The following GAN variants were observed in gnomAD, a reference collection of about 807,000 sequenced individuals.
GAN encodes the protein epididymis secretory sperm binding protein.
GAN carries 48 observed loss-of-function variants against 71.3 expected under a neutral mutation model. The ratio of observed to expected loss-of-function variants is 0.67; its 90% CI spans 0.53 to 0.86. The LOEUF (loss-of-function observed/expected upper bound fraction) is 0.86, where lower values mean the gene tolerates loss of function less well. Ranked by LOEUF, GAN falls within the 40% of genes least tolerant of loss-of-function variation. The probability of loss-of-function intolerance (pLI) is 0.00; values close to 1 mark genes in which losing one functional copy is unlikely to be tolerated. For synonymous variants in GAN, 386 were observed against 276.8 expected (o/e 1.39, Z -3.92); for missense variants, 928 against 770.1 (o/e 1.21, Z -2.43).
At chr16:81,357,098 T>A in intron 4 of GAN, 96 bp downstream of exon 4, 1 of 859,544 alleles carries the variant, frequency 1.2e-6, no homozygotes, top group Non-Finnish European at 2.0e-6. Flanking sequence ...ATCTAAAACA[T>A]AATTACATTT....
intron 1 of GAN, among the ~76,000 whole-genome samples, chr16:81,323,474 T>C (rs1019702257): frequency 6.6e-6 from 1 of 152,206 alleles, no homozygotes; most frequent in African/African-American, 2.4e-5. Flanking sequence ...TCTTGGGACA[T>C]CCTTAAGAAA....
In GAN at chr16:81,378,634, G is replaced by A. The variant is rs1446445253; in HGVS notation, c.*1038G>A. 2.0e-5 allele frequency: 3 copies of A among 152,634 alleles called. No homozygotes were observed. 9.5% of individuals were successfully genotyped at this position (152,634 alleles called of 1,614,324 possible). Reference sequence around the variant, plus strand: ...AACTTGTCTTAGAATGCGAATCTGTGTTAAGAATCTAGTCTTTGTAATAGA... The same window carrying A: ...AACTTGTCTTAGAATGCGAATCTGTATTAAGAATCTAGTCTTTGTAATAGA... On this transcript the variant is annotated 3_prime_UTR_variant, in exon 11 of 11. Transcript: ENST00000648994.
chr16:81,358,666 G>C (rs1412527120), intron 5 of GAN, among the ~76,000 whole-genome samples: 1 of 152,024 alleles, frequency 6.6e-6, no homozygotes, highest in African/African-American at 2.4e-5. Context: ...TACTTATATA[G>C]GCAATGGCTT....
intron 1 of GAN, among the ~76,000 whole-genome samples, chr16:81,317,897 G>A (rs927114423): frequency 4.6e-5 from 7 of 151,886 alleles, no homozygotes; most frequent in African/African-American, 1.5e-4. Context: ...GGATAAACAT[G>A]AATCAGTCAA....
chr16:81,348,448 T>C (rs142520415), intron 1 of GAN, among the ~76,000 whole-genome samples: 2 of 152,190 alleles, frequency 1.3e-5, no homozygotes, highest in African/African-American at 4.8e-5. Context: ...TTGTTAAATA[T>C]CTAATGAGTC....
At chr16:81,328,829 A>C (rs1909476438) in intron 1 of GAN, among the ~76,000 whole-genome samples, 1 of 152,162 alleles carries the variant, frequency 6.6e-6, no homozygotes, top group Non-Finnish European at 1.5e-5. Flanking sequence ...TTTTCTCTGA[A>C]GGGTTAGAAA....
chr16:81,343,979 A>T, intron 1 of GAN, among the ~76,000 whole-genome samples: 1 of 151,330 alleles, frequency 6.6e-6, no homozygotes, highest in East Asian at 1.9e-4. Flanking sequence ...AATAACAGAC[A>T]ACAGCCAAAT....
At chr16:81,366,881 G>C (rs1340763777) in intron 9 of GAN, among the ~76,000 whole-genome samples, 4 of 152,098 alleles carry the variant, frequency 2.6e-5, no homozygotes, top group African/African-American at 9.7e-5. Context: ...CTAGAGTGCA[G>C]TGGCGTGATC....
Position 81,380,172 on chromosome 16 carries a change from C to G in GAN, c.*2576C>G, listed in dbSNP as rs1342696288. ...TTCAGTATTGTAAAATAAATGTTGA[C>G]TCATTTCATGCAGGTTTGTGTTTTA... On this transcript the variant is annotated 3_prime_UTR_variant, in exon 11 of 11. Coordinates refer to ENST00000648994, the MANE Select transcript of GAN (RefSeq NM_022041.4). 6.6e-6 allele frequency: 1 copy of G among 152,534 alleles called. No homozygotes were observed. The highest frequency in any genetic ancestry group is 2.4e-5 in the African/African-American group (1 of 41,416). The allele number at this position is 152,534 out of a possible 1,614,324, so 9.4% of individuals were successfully genotyped here.
At position 81,377,653 on chromosome 16, in the gene GAN, G is replaced by T. The variant is rs576424603; in HGVS notation, c.*57G>T. On this transcript the variant is annotated 3_prime_UTR_variant, in exon 11 of 11. Transcript: ENST00000648994. ...CCCAAGAGCACCATAACATAGCTCC[G>T]AAAGGGAGAGCAGAGATGGCAGCTG... is the stretch of plus-strand genomic sequence containing the variant. 37 of 1,462,116 alleles carry T rather than the reference G, an allele frequency of 2.5e-5. No homozygotes were observed. The African/African-American group carries it at 4.0e-4, about 16-fold the overall frequency. The allele number at this position is 1,462,116 out of a possible 1,614,324, so 90.6% of individuals were successfully genotyped here.
chr16:81,350,443 G>A (rs1374865671), intron 1 of GAN, among the ~76,000 whole-genome samples: 3 of 152,006 alleles, frequency 2.0e-5, no homozygotes, highest in Non-Finnish European at 2.9e-5. Context: ...CTACTATGGA[G>A]AATAAGTAGC....
intron 1 of GAN, among the ~76,000 whole-genome samples, chr16:81,346,527 T>C (rs1862843): frequency 0.8 from 121,975 of 152,170 alleles, 49,225 homozygotes; most frequent in East Asian, 0.95. Context: ...CTATTGTGAA[T>C]TGGGCATGTG....
chr16:81,351,743 A>C (rs1597400052), intron 2 of GAN, 46 bp downstream of exon 2: 25 of 869,228 alleles, frequency 2.9e-5, no homozygotes, highest in Non-Finnish European at 4.6e-5. Context: ...GAGGCTTCTC[A>C]AGCTCAGGGT....
intron 1 of GAN, among the ~76,000 whole-genome samples, chr16:81,343,228 C>G (rs7196473): frequency 0.2 from 30,905 of 152,086 alleles, 4,638 homozygotes; most frequent in East Asian, 0.61. Flanking sequence ...TGAAACTATT[C>G]CGATCAATAG....
chr16:81,349,196 C>T (rs1910218061), intron 1 of GAN, among the ~76,000 whole-genome samples: 1 of 152,114 alleles, frequency 6.6e-6, no homozygotes, highest in Admixed American at 6.5e-5. Flanking sequence ...CCTGCCCCAC[C>T]CCGACCCCGT....
In GAN at chr16:81,383,242, CTTTTTTTTTTTTTTTTTTTTT is replaced by C. The variant is rs56023541; in HGVS notation, c.*5654_*5674del. 1.1e-5 allele frequency: 1 copy of C among 93,622 alleles called. No homozygotes were observed. 5.8% of individuals were successfully genotyped at this position (93,622 alleles called of 1,614,324 possible). On this transcript the variant is annotated 3_prime_UTR_variant, in exon 11 of 11. Transcript: ENST00000648994. ...TAGTCAGAAATGACTGTTGCCCTCT[CTTTTTTTTTTTTTTTTTTTTT>C]TTTTTTTGAGACGGAGTCTCGCTCT...
chr16:81,342,657 G>A (rs905015524), intron 1 of GAN, among the ~76,000 whole-genome samples: 4 of 152,222 alleles, frequency 2.6e-5, no homozygotes, highest in South Asian at 2.1e-4. Context: ...TTTATAGCAC[G>A]AAATGCCCAC....
At chr16:81,359,246 G>A (rs565617144) in intron 5 of GAN, among the ~76,000 whole-genome samples, 9 of 152,106 alleles carry the variant, frequency 5.9e-5, no homozygotes, top group South Asian at 2.1e-4. Flanking sequence ...ACACATACAC[G>A]TCTGTCACAA....
At chr16:81,335,089 T>C (rs1164150786) in intron 1 of GAN, among the ~76,000 whole-genome samples, 2 of 134,312 alleles carry the variant, frequency 1.5e-5, no homozygotes, top group African/African-American at 2.8e-5. Context: ...GGCTGCTCTT[T>C]GGAGGTGTTA....
Sources: allele counts gnomAD v4.1 joint callset (sites outside exome capture counted in the v4.1 genomes callset), GRCh38; gene constraint gnomAD v4.1.1; transcripts MANE v1.5; gene names NCBI Gene and HGNC (gene_info 2026-07-23, HGNC 2026-07-21).